LAMA3: variants seen among roughly 807,000 people sequenced by gnomAD.
LAMA3 encodes the protein laminin subunit alpha 3.
LAMA3 carries 281 observed loss-of-function variants against 402.0 expected under a neutral mutation model. The ratio of observed to expected loss-of-function variants is 0.70; its 90% CI spans 0.63 to 0.77. LAMA3 has a LOEUF of 0.77. LAMA3 is among the 30% of genes least tolerant of loss of function. The pLI, the probability that LAMA3 is intolerant of heterozygous loss-of-function variation, is 0.00. For synonymous variants in LAMA3, 1,431 were observed against 1,558.4 expected (o/e 0.92, Z 1.93); for missense variants, 3,840 against 4,215.5 (o/e 0.91, Z 2.47).
At chr18:23,933,646 C>T (rs1599135653) in intron 66 of LAMA3, 136 bp from the exon 67 acceptor site, 2 of 802,464 alleles carry the variant, frequency 2.5e-6, no homozygotes, top group East Asian at 2.6e-5. Context: ...TTCTATCTAA[C>T]TGCATTTTTG....
chr18:23,774,179 C>T (rs965264002), intron 9 of LAMA3, among the ~76,000 whole-genome samples: 6 of 152,132 alleles, frequency 3.9e-5, no homozygotes, highest in Non-Finnish European at 8.8e-5. Context: ...GCCAAGATCA[C>T]GCCACTGCAC....
At chr18:23,762,294 G>C (rs2061984391) in intron 7 of LAMA3, among the ~76,000 whole-genome samples, 3 of 151,954 alleles carry the variant, frequency 2.0e-5, no homozygotes, top group African/African-American at 4.8e-5. Context: ...CAGTTTTAAG[G>C]AGGTTACTTA....
At chr18:23,899,136 C>A in intron 46 of LAMA3, 71 bp downstream of exon 46, 1 of 1,317,904 alleles carries the variant, frequency 7.6e-7, no homozygotes, top group Non-Finnish European at 1.1e-6. Context: ...TAAAAGAATT[C>A]CCTTTAAGAT....
chr18:23,917,043 C>T (rs2081652766), intron 60 of LAMA3, among the ~76,000 whole-genome samples: 1 of 152,052 alleles, frequency 6.6e-6, no homozygotes, highest in Non-Finnish European at 1.5e-5. Flanking sequence ...CAAGTAGGCC[C>T]CAGGGTCTGT....
intron 1 of LAMA3, among the ~76,000 whole-genome samples, chr18:23,709,353 G>A (rs760961579): frequency 2.0e-5 from 3 of 152,184 alleles, no homozygotes; most frequent in Admixed American, 1.3e-4. Flanking sequence ...GATTACAGGC[G>A]TGAGCCACTG....
At chr18:23,721,051 A>T (rs2061203519) in intron 2 of LAMA3, among the ~76,000 whole-genome samples, 1 of 151,946 alleles carries the variant, frequency 6.6e-6, no homozygotes, top group South Asian at 2.1e-4. Context: ...CTAGCAACTC[A>T]GGAGGCTAAG....
rs1052659025 is a variant in LAMA3 at position 23,873,094 on chromosome 18, T to A, written c.4998+1433T>A. On this transcript the variant is annotated intron_variant, in intron 38 of 74. Coordinates refer to ENST00000313654, the MANE Select transcript of LAMA3 (RefSeq NM_198129.4). ...GCCTGCAGCATGGGATGGCTGTGGA[T>A]CTTTGGGGCAGCCCTGGGGCAGTGT... The A allele has an allele frequency of 1.2e-6, 2 of 1,614,004 alleles. No individual in the cohort carries two copies. Among genetic ancestry groups the A allele is most frequent in the Non-Finnish European group, 1.7e-6 (2 of 1,180,024 alleles).
At chr18:23,785,139 G>A (rs1444150740) in intron 12 of LAMA3, among the ~76,000 whole-genome samples, 2 of 152,200 alleles carry the variant, frequency 1.3e-5, no homozygotes, top group Non-Finnish European at 2.9e-5. Flanking sequence ...TCAGAGCACA[G>A]CTGCATAAAT....
At position 23,895,007 on chromosome 18, in the gene LAMA3, A is replaced by G; in HGVS notation, c.5562A>G (p.Ala1854=). The change falls in exon 44 of 75, where the codon GCA becomes GCG. Residue 1854 remains alanine (A), a synonymous_variant. Transcript: ENST00000313654. ...AGCTGCAGGGCCTGAGTGCCAGCGCAGGGCTTCTGGAGCAGATGAGGCACA... is the reference window on the plus strand; with the variant it reads ...AGCTGCAGGGCCTGAGTGCCAGCGCGGGGCTTCTGGAGCAGATGAGGCACA... ...KSQLQGLSAS[A]GLLEQMRHME... is the part of the protein sequence containing the mutation. 6.2e-7 allele frequency: 1 copy of G among 1,612,672 alleles called. No individual in the cohort carries two copies.
chr18:23,847,764 T>TGGAAA lies in LAMA3; in HGVS notation c.4136+96_4136+97insGGAAA, dbSNP rs2063852409. 8 of 1,292,368 alleles carry TGGAAA rather than the reference T, an allele frequency of 6.2e-6. No homozygotes were observed. The Admixed American group carries it at 1.6e-4, about 25-fold the overall frequency. 80.1% of individuals were successfully genotyped at this position (1,292,368 alleles called of 1,614,324 possible). A position where few individuals can be genotyped will look rare whatever the true frequency, so the allele number is the denominator to read the frequency against. Reference sequence around the variant, plus strand: ...ATCGTCACTTTCCACTTCCCACCTGTCCAGGGGTGCCCTGTGTTGACCTCG... The same window carrying TGGAAA: ...ATCGTCACTTTCCACTTCCCACCTGTGGAAACCAGGGGTGCCCTGTGTTGACCTCG... On this transcript the variant is annotated intron_variant, in intron 32 of 74. Transcript: ENST00000313654.
intron 11 of LAMA3, among the ~76,000 whole-genome samples, chr18:23,782,913 G>A (rs2062465807): frequency 1.3e-5 from 2 of 152,062 alleles, no homozygotes; most frequent in South Asian, 2.1e-4. Context: ...CTGGCCCTGG[G>A]GGCCTGTGGT....
rs1250248078 is a variant in LAMA3, at chr18:23,879,124, T to C, written c.5112+2717T>C. 6.6e-6 allele frequency among the ~76,000 whole-genome samples: 1 copy of C among 152,188 alleles called. No individual in the cohort carries two copies. The highest frequency in any genetic ancestry group is 1.5e-5 in the Non-Finnish European group (1 of 68,046). ...TGCTACTTGAGCCCATCTTCCCCTC[T>C]GCAGTTGCAATGGAATTTCCAAATG... On this transcript the variant is annotated intron_variant, in intron 39 of 74. Coordinates refer to ENST00000313654, the MANE Select transcript of LAMA3 (RefSeq NM_198129.4). The surrounding 1 kb of genome is among the most constrained non-coding windows in gnomAD (Gnocchi z 4.2).
chr18:23,892,382 T>G (rs2080704397), intron 42 of LAMA3, among the ~76,000 whole-genome samples: 1 of 152,084 alleles, frequency 6.6e-6, no homozygotes, highest in African/African-American at 2.4e-5. Flanking sequence ...GTTGTTGTTT[T>G]TTATTCTTTT....
intron 6 of LAMA3, among the ~76,000 whole-genome samples, chr18:23,756,817 G>A (rs1173649082): frequency 6.6e-6 from 1 of 152,142 alleles, no homozygotes; most frequent in Non-Finnish European, 1.5e-5. Flanking sequence ...GGGAGCCCTG[G>A]ATGGGGCGCC....
At chr18:23,770,238 C>G (rs1295383043) in intron 8 of LAMA3, among the ~76,000 whole-genome samples, 1 of 151,922 alleles carries the variant, frequency 6.6e-6, no homozygotes, top group Non-Finnish European at 1.5e-5. Context: ...TAGATTTTAT[C>G]AAAATTAAAA....
chr18:23,863,608 G>T (rs1300352067), intron 35 of LAMA3, among the ~76,000 whole-genome samples: 1 of 152,192 alleles, frequency 6.6e-6, no homozygotes, highest in African/African-American at 2.4e-5. Context: ...ATACTTCCAG[G>T]CTTGAAGATC....
chr18:23,845,574 A>T (rs1158041480), intron 30 of LAMA3, among the ~76,000 whole-genome samples: 1 of 152,170 alleles, frequency 6.6e-6, no homozygotes, highest in Non-Finnish European at 1.5e-5. Context: ...GTGTCCTTGA[A>T]TGCTAAGAGC....
chr18:23,819,891 T>C lies in LAMA3; in HGVS notation c.2198T>C (p.Ile733Thr). The change falls in exon 19 of 75, where the codon ATT becomes ACT. Residue 733 changes from isoleucine (I) to threonine (T), a missense_variant. By Grantham distance (89) the Ile-to-Thr change is moderately conservative. Transcript: ENST00000313654. The stretch of plus-strand genomic sequence containing the variant: ...GATTTGCATCATATGAAGTATGAGA[T>C]TGAAGACGGCAGCACACCTAATGGG... ...FPDLHHMKYE[I>T]EDGSTPNGRD... The C allele has an allele frequency of 6.2e-7, 1 of 1,614,110 alleles. No homozygotes were observed. Among genetic ancestry groups the C allele is most frequent in the South Asian group, 1.1e-5 (1 of 91,082 alleles).
At position 23,894,863 on chromosome 18, in the gene LAMA3, G is replaced by A. The variant is rs1268716; in HGVS notation, c.5462-44G>A. The A allele has an allele frequency of 0.26, 413,488 of 1,613,192 alleles. 55,781 individuals carry two copies. Among genetic ancestry groups the A allele is most frequent in the Non-Finnish European group, 0.28 (324,747 of 1,179,550 alleles). The stretch of plus-strand genomic sequence containing the variant: ...ACTTGTGGTCTTTTCGCAGTCCCAC[G>A]GCTCCCCCCACAGCACATTTGCCTT... On this transcript the variant is annotated intron_variant, in intron 43 of 74. Coordinates refer to ENST00000313654, the MANE Select transcript of LAMA3 (RefSeq NM_198129.4).
Sources: gnomAD v4.1 joint callset for allele counts (sites outside exome capture counted in the v4.1 genomes callset) on GRCh38, gnomAD v4.1.1 for gene constraint, Gnocchi (gnomAD v3.1) non-coding constraint, MANE v1.5 for transcripts, NCBI Gene and HGNC (gene_info 2026-07-23, HGNC 2026-07-21) for gene names.